KIRREL3: variants seen among roughly 807,000 people sequenced by gnomAD.
The protein encoded by KIRREL3 is kirre like nephrin family adhesion molecule 3.
KIRREL3 carries 36 observed loss-of-function variants against 89.7 expected under a neutral mutation model. That is an observed-to-expected ratio of 0.40 (90% CI 0.31 to 0.53). The LOEUF (loss-of-function observed/expected upper bound fraction) is 0.53, where lower values mean the gene tolerates loss of function less well. Among genes scored for constraint, KIRREL3 ranks in the 20% least tolerant of loss-of-function variants. KIRREL3 has a pLI of 0.49. For synonymous variants in KIRREL3, 445 were observed against 441.4 expected, an observed-to-expected ratio of 1.01 and a Z score of -0.10; for missense variants, 864 against 1,056.6, an observed-to-expected ratio of 0.82 and a Z score of 2.53.
intron 1 of KIRREL3, among the ~76,000 whole-genome samples, chr11:126,567,469 T>C (rs1940597967): frequency 6.6e-6 from 1 of 152,180 alleles, no homozygotes; most frequent in Non-Finnish European, 1.5e-5. Flanking sequence ...CCACAGCTGG[T>C]GGTACTTTGT....
chr11:126,454,072 C>T lies in KIRREL3; in HGVS notation c.848+2277G>A, dbSNP rs1956263320. Reference sequence around the variant, plus strand: ...TTACAGAAAAGTTGTAAGAATAGTCCCATTAACTGCCACCCTCCCATCGCC... The same window carrying T: ...TTACAGAAAAGTTGTAAGAATAGTCTCATTAACTGCCACCCTCCCATCGCC... On this transcript the variant is annotated intron_variant, in intron 7 of 16. Transcript: ENST00000525144. The surrounding 1 kb of genome is among the most constrained non-coding windows in gnomAD (Gnocchi z 5.8). 6.8e-6 allele frequency among the ~76,000 whole-genome samples: 1 copy of T among 146,996 alleles called. No individual in the cohort carries two copies.
intron 1 of KIRREL3, among the ~76,000 whole-genome samples, chr11:126,577,289 A>C (rs1222315772): frequency 6.6e-6 from 1 of 152,144 alleles, no homozygotes; most frequent in Non-Finnish European, 1.5e-5. Flanking sequence ...AAACAAATTC[A>C]GTATCAGGAC....
At chr11:126,801,653 T>A (rs1480940700) in intron 1 of KIRREL3, among the ~76,000 whole-genome samples, 1 of 152,210 alleles carries the variant, frequency 6.6e-6, no homozygotes. Flanking sequence ...TCCTGGCCCA[T>A]TTCTTCGTCT....
rs1291675605 is a variant in KIRREL3, at chr11:126,953,842, G to A, written c.55+46613C>T. Among the ~76,000 whole-genome samples, 1 of 152,082 alleles carries A rather than the reference G, an allele frequency of 6.6e-6. No individual in the cohort carries two copies. The highest frequency in any genetic ancestry group is 1.5e-5 in the Non-Finnish European group (1 of 68,010). ...ATAAATTCTGCAGTGACTTTTCCCT[G>A]GTGTTATTAGTTGTTTGGGTTTTTC... On this transcript the variant is annotated intron_variant, in intron 1 of 16. Coordinates refer to ENST00000525144, the MANE Select transcript of KIRREL3 (RefSeq NM_032531.4). The surrounding 1 kb of genome is among the most constrained non-coding windows in gnomAD (Gnocchi z 5.2).
At chr11:126,767,258 G>A (rs376206863) in intron 1 of KIRREL3, among the ~76,000 whole-genome samples, 3 of 152,220 alleles carry the variant, frequency 2.0e-5, no homozygotes, top group Non-Finnish European at 4.4e-5. Context: ...TTGGAAAGGC[G>A]GAGGGTGTTT....
At position 126,755,878 on chromosome 11, in the gene KIRREL3, C is replaced by CAG. The variant is rs10699844; in HGVS notation, c.56-192968_56-192967dup. Among the ~76,000 whole-genome samples, 34,411 of 148,676 alleles carry CAG rather than the reference C, an allele frequency of 0.23. 3,932 individuals carry two copies. The highest frequency in any genetic ancestry group is 0.29 in the South Asian group (1,335 of 4,668). On this transcript the variant is annotated intron_variant, in intron 1 of 16. Transcript: ENST00000525144. This position sits in a 1 kb window ranked among gnomAD's most constrained non-coding sequence, Gnocchi z 4.3. ...GAGGGAGAGAGGGAGAGAGAAAAAA[C>CAG]AGAGAGAGAGAGAGAGAGAGAAGAC...
chr11:126,511,800 G>A (rs1016583319), intron 4 of KIRREL3, among the ~76,000 whole-genome samples: 1 of 152,242 alleles, frequency 6.6e-6, no homozygotes, highest in African/African-American at 2.4e-5. Flanking sequence ...TGCTGTAATG[G>A]AGATTCATTG....
intron 1 of KIRREL3, among the ~76,000 whole-genome samples, chr11:126,899,883 T>C (rs1592311909): frequency 6.6e-6 from 1 of 152,156 alleles, no homozygotes; most frequent in African/African-American, 2.4e-5. Context: ...CAGAAAAAAG[T>C]AGCAAGTGGA....
rs899755872 is a variant in KIRREL3, at chr11:126,523,565, A to C, written c.284-2101T>G. On this transcript the variant is annotated intron_variant, in intron 3 of 16. Coordinates refer to ENST00000525144, the MANE Select transcript of KIRREL3 (RefSeq NM_032531.4). The surrounding 1 kb of genome is among the most constrained non-coding windows in gnomAD (Gnocchi z 4.9). ...CCTGGCCAGAAAAGCTCACAAGGCCATCAGCTGCACCCCTGAGAGCACTGC... is the reference window on the plus strand; with the variant it reads ...CCTGGCCAGAAAAGCTCACAAGGCCCTCAGCTGCACCCCTGAGAGCACTGC... 6.6e-6 allele frequency among the ~76,000 whole-genome samples: 1 copy of C among 151,154 alleles called. No homozygotes were observed. Among genetic ancestry groups the C allele is most frequent in the African/African-American group, 2.5e-5 (1 of 40,702 alleles).
At chr11:126,730,330 C>T (rs1420290217) in intron 1 of KIRREL3, among the ~76,000 whole-genome samples, 1 of 152,240 alleles carries the variant, frequency 6.6e-6, no homozygotes, top group East Asian at 1.9e-4. Flanking sequence ...CCATCAACAT[C>T]CCCTAATTGT....
At position 126,643,655 on chromosome 11, in the gene KIRREL3, C is replaced by T. The variant is rs559242022; in HGVS notation, c.56-80743G>A. On this transcript the variant is annotated intron_variant, in intron 1 of 16. Transcript: ENST00000525144. This position sits in a 1 kb window ranked among gnomAD's most constrained non-coding sequence, Gnocchi z 4.5. ...AGGCATAACTGTGGTTTAGGAAGAT[C>T]AATGTGGCAACACAATGAGTAGGAT... Among the ~76,000 whole-genome samples the T allele has an allele frequency of 1.6e-3, 241 of 152,218 alleles. 1 individual carries two copies. The highest frequency in any genetic ancestry group is 5.4e-3 in the African/African-American group (223 of 41,536).
chr11:126,859,748 G>T (rs954717837), intron 1 of KIRREL3, among the ~76,000 whole-genome samples: 1 of 152,238 alleles, frequency 6.6e-6, no homozygotes, highest in African/African-American at 2.4e-5. Flanking sequence ...TCTTGGAAGA[G>T]AAAGTGACCT....
rs1943861460 is a variant in KIRREL3, at chr11:126,627,902, C to T, written c.56-64990G>A. Among the ~76,000 whole-genome samples the T allele has an allele frequency of 6.6e-6, 1 of 152,144 alleles. No homozygotes were observed. Among genetic ancestry groups the T allele is most frequent in the Admixed American group, 6.5e-5 (1 of 15,278 alleles). On this transcript the variant is annotated intron_variant, in intron 1 of 16. Coordinates refer to ENST00000525144, the MANE Select transcript of KIRREL3 (RefSeq NM_032531.4). This position sits in a 1 kb window ranked among gnomAD's most constrained non-coding sequence, Gnocchi z 5.0. Reference sequence around the variant, plus strand: ...GTAGCAGTGTGGGCAGGAAAACAGCCCAGGAGTTGGGAGACCCACATCTTC... The same window carrying T: ...GTAGCAGTGTGGGCAGGAAAACAGCTCAGGAGTTGGGAGACCCACATCTTC...
rs1238962271 is a variant in KIRREL3, at chr11:126,898,050, G to A, written c.55+102405C>T. On this transcript the variant is annotated intron_variant, in intron 1 of 16. Transcript: ENST00000525144. This position sits in a 1 kb window ranked among gnomAD's most constrained non-coding sequence, Gnocchi z 4.9. ...CATTGTGTGGCCTGGAGCTCACATG[G>A]GTTGGGAAGTTTGGACAACTGTCTT... Among the ~76,000 whole-genome samples the A allele has an allele frequency of 1.3e-5, 2 of 152,134 alleles. No homozygotes were observed. The highest frequency in any genetic ancestry group is 2.9e-5 in the Non-Finnish European group (2 of 68,016).
rs12792250 is a variant in KIRREL3 at position 126,443,615 on chromosome 11, G to T, written c.1252+1364C>A. On this transcript the variant is annotated intron_variant, in intron 10 of 16. Transcript: ENST00000525144. This position sits in a 1 kb window ranked among gnomAD's most constrained non-coding sequence, Gnocchi z 7.3. The stretch of plus-strand genomic sequence containing the variant: ...GAGGAATGGAAATGCGGGGCAGTGT[G>T]GGGGGAGCTGGTGAATGGAGACAGT... Among the ~76,000 whole-genome samples, 4 of 151,452 alleles carry T rather than the reference G, an allele frequency of 2.6e-5. No individual in the cohort carries two copies. The highest frequency in any genetic ancestry group is 4.2e-4 in the South Asian group (2 of 4,804).
chr11:126,597,442 AG>A (rs1177861524), intron 1 of KIRREL3, among the ~76,000 whole-genome samples: 3 of 152,246 alleles, frequency 2.0e-5, no homozygotes, highest in African/African-American at 7.2e-5. Flanking sequence ...ATCTTCTTTA[AG>A]GCCAATATGA....
Position 126,537,310 on chromosome 11 carries a change from T to G in KIRREL3, c.134-10623A>C, listed in dbSNP as rs1280429103. ...GAAACTCGCTGAGAGTCTTGGATGG[T>G]CACATTTGACCACAGGTTACTGGAT... On this transcript the variant is annotated intron_variant, in intron 2 of 16. Coordinates refer to ENST00000525144, the MANE Select transcript of KIRREL3 (RefSeq NM_032531.4). The surrounding 1 kb of genome is among the most constrained non-coding windows in gnomAD (Gnocchi z 4.3). 6.6e-6 allele frequency among the ~76,000 whole-genome samples: 1 copy of G among 152,106 alleles called. No individual in the cohort carries two copies. The highest frequency in any genetic ancestry group is 2.4e-5 in the African/African-American group (1 of 41,406).
chr11:126,456,462 G>A lies in KIRREL3; in HGVS notation c.743-8C>T, dbSNP rs1212584198. ...GGTTGACCAGTGGAGGGTCTGCAGG[G>A]AGAGGAGAGTCACTTGTAGACCGGA... On this transcript the variant is annotated splice_polypyrimidine_tract_variant and splice_region_variant and intron_variant, in intron 6 of 16. Coordinates refer to ENST00000525144, the MANE Select transcript of KIRREL3 (RefSeq NM_032531.4). 1 of 1,545,522 alleles carries A rather than the reference G, an allele frequency of 6.5e-7. No homozygotes were observed. The highest frequency in any genetic ancestry group is 8.8e-7 in the Non-Finnish European group (1 of 1,137,706).
intron 1 of KIRREL3, among the ~76,000 whole-genome samples, chr11:126,938,543 A>G (rs549547045): frequency 6.6e-6 from 1 of 152,250 alleles, no homozygotes; most frequent in South Asian, 2.1e-4. Context: ...AAGGAATAAA[A>G]CATACTTCCT....
Sources: gnomAD v4.1 joint callset for allele counts (sites outside exome capture counted in the v4.1 genomes callset) on GRCh38, gnomAD v4.1.1 for gene constraint, Gnocchi (gnomAD v3.1) non-coding constraint, MANE v1.5 for transcripts, NCBI Gene and HGNC (gene_info 2026-07-23, HGNC 2026-07-21) for gene names.